The following RNF14 variants were observed in gnomAD, a reference collection of about 807,000 sequenced individuals.
RNF14 encodes the protein ring finger protein 14, also known as E3 ubiquitin-protein ligase RNF14.
A neutral mutation model predicts 52.6 loss-of-function variants in RNF14; 26 were observed. The observed-to-expected ratio is 0.49, with a 90% CI of 0.36 to 0.69. The LOEUF is 0.69. Ranked by LOEUF, RNF14 falls within the 30% of genes least tolerant of loss-of-function variation. The pLI is 0.00. For synonymous variants in RNF14, 194 were observed against 202.0 expected, an observed-to-expected ratio of 0.96 and a Z score of 0.34; for missense variants, 404 against 560.4, an observed-to-expected ratio of 0.72 and a Z score of 2.82.
chr5:141,973,962 T>G (rs1356798143), intron 3 of RNF14, among the ~76,000 whole-genome samples: 1 of 152,226 alleles, frequency 6.6e-6, no homozygotes, highest in Non-Finnish European at 1.5e-5. Flanking sequence ...TCCTGCATAT[T>G]TCATACATCC....
At position 141,978,528 on chromosome 5, in the gene RNF14, G is replaced by C; in HGVS notation, c.532G>C (p.Asp178His). Residue 178 changes from aspartate to histidine, a missense_variant, in exon 5 of 9, where the codon GAC (aspartate) becomes CAC (histidine). Transcript: ENST00000394520. ...DFGGAAGSDVDQEEIVDERAV... is the reference protein window; with the variant it reads ...DFGGAAGSDVHQEEIVDERAV... ...TGGAGGAGCTGCTGGATCTGATGTA[G>C]ACCAAGAGGAAATTGTGGATGAGAG... The C allele has an allele frequency of 1.2e-6, 2 of 1,614,168 alleles. No individual in the cohort carries two copies. The highest frequency in any genetic ancestry group is 2.2e-5 in the South Asian group (2 of 91,062).
rs1466805679 is a variant in RNF14, at chr5:141,969,161, G to T, written c.-187G>T. The T allele has an allele frequency of 1.3e-5, 2 of 153,150 alleles. No individual in the cohort carries two copies. The allele number at this position is 153,150 out of a possible 1,614,324, so 9.5% of individuals were successfully genotyped here. On this transcript the variant is annotated 5_prime_UTR_variant, in exon 1 of 9. Transcript: ENST00000394520. ...AGGGCGTCTCTAGGCCTGGTCGGCTGGCGGCGGTGAGTGGGCCCCAGGCAA... is the reference window on the plus strand; with the variant it reads ...AGGGCGTCTCTAGGCCTGGTCGGCTTGCGGCGGTGAGTGGGCCCCAGGCAA...
chr5:141,967,031 T>G (rs1753366465), upstream of RNF14: 1 of 152,386 alleles, frequency 6.6e-6, no homozygotes, highest in African/African-American at 2.4e-5. Context: ...TTTCTGGTTT[T>G]GGTATCTATT....
chr5:141,957,417 A>G, upstream of RNF14: 1 of 1,613,070 alleles, frequency 6.2e-7, no homozygotes, highest in East Asian at 2.2e-5. The surrounding 1 kb of genome is among the most constrained non-coding windows in gnomAD (Gnocchi z 4.3). Context: ...AGGCGCTCTC[A>G]GAGATTTCCA....
intron 4 of RNF14, among the ~76,000 whole-genome samples, chr5:141,976,686 A>G (rs1459321269): frequency 1.3e-5 from 2 of 149,654 alleles, no homozygotes; most frequent in African/African-American, 4.9e-5. Flanking sequence ...GTTTTCTAAA[A>G]CCTTATTCCT....
intron 8 of RNF14, 93 bp from the exon 9 acceptor site, chr5:141,987,640 G>T: frequency 8.2e-7 from 1 of 1,214,846 alleles, no homozygotes; most frequent in Non-Finnish European, 1.2e-6. Flanking sequence ...GTACAAAGAT[G>T]TTATAAGAGT....
At chr5:141,957,208 G>A, upstream of RNF14, 1 of 1,614,192 alleles carries the variant, frequency 6.2e-7, no homozygotes, top group Middle Eastern at 1.6e-4. This position sits in a 1 kb window ranked among gnomAD's most constrained non-coding sequence, Gnocchi z 4.3. Context: ...GTCATAGGCA[G>A]TTAACACCAG....
rs1048469780 is a variant in RNF14, at chr5:141,989,667, TGAGCGACA to T, written c.*1884_*1891del. On this transcript the variant is annotated 3_prime_UTR_variant, in exon 9 of 9. Transcript: ENST00000394520. ...GAGATAGCGCCACTGCACTCCAGCC[TGAGCGACA>T]GAGCGAGACTCCTTCTCAAAAAAAA... The T allele has an allele frequency of 4.2e-5, 6 of 143,394 alleles. No individual in the cohort carries two copies. Among genetic ancestry groups the T allele is most frequent in the African/African-American group, 1.3e-4 (5 of 37,976 alleles). The allele number at this position is 143,394 out of a possible 1,614,324, so 8.9% of individuals were successfully genotyped here. A position where few individuals can be genotyped will look rare whatever the true frequency, so the allele number is the denominator to read the frequency against.
rs1281244245 is a variant in RNF14, at chr5:141,983,633, T to A, written c.1236+81T>A. The A allele has an allele frequency of 8.1e-6, 10 of 1,233,470 alleles. No individual in the cohort carries two copies. In the Admixed American group the frequency reaches 1.7e-4, roughly 22 times the overall value. 76.4% of individuals were successfully genotyped at this position (1,233,470 alleles called of 1,614,324 possible). On this transcript the variant is annotated intron_variant, in intron 7 of 8. Transcript: ENST00000394520. ...ACCTTAAGAAGCCTTACTAGTCAATTTTATGACTTACAAAACACATGCTGG... is the reference window on the plus strand; with the variant it reads ...ACCTTAAGAAGCCTTACTAGTCAATATTATGACTTACAAAACACATGCTGG...
chr5:141,964,560 G>C (rs1753301868), upstream of RNF14, among the ~76,000 whole-genome samples: 1 of 152,132 alleles, frequency 6.6e-6, no homozygotes, highest in Non-Finnish European at 1.5e-5. Context: ...ATTTATAATT[G>C]TGCTTCTAGT....
At chr5:141,958,058 A>C (rs764952765), upstream of RNF14, 25 of 604,304 alleles carry the variant, frequency 4.1e-5, no homozygotes, top group Middle Eastern at 4.5e-4. Flanking sequence ...TGAGATGTCC[A>C]AACGCCGATC....
At chr5:141,955,610 T>C, upstream of RNF14, 1 of 1,614,148 alleles carries the variant, frequency 6.2e-7, no homozygotes. This position sits in a 1 kb window ranked among gnomAD's most constrained non-coding sequence, Gnocchi z 5.5. Flanking sequence ...TTGTAGGCCC[T>C]GTTGTCCTTC....
intron 5 of RNF14, 43 bp downstream of exon 5, chr5:141,978,873 C>A (rs1754500466): frequency 6.3e-7 from 1 of 1,586,380 alleles, no homozygotes; most frequent in South Asian, 1.1e-5. Flanking sequence ...AATTCTCTTC[C>A]ATAAATGGAG....
chr5:141,983,439 T>A lies in RNF14; in HGVS notation c.1123T>A (p.Leu375Met). 2 of 1,613,866 alleles carry A rather than the reference T, an allele frequency of 1.2e-6. No homozygotes were observed. The highest frequency in any genetic ancestry group is 1.7e-6 in the Non-Finnish European group (2 of 1,179,908). The change falls in exon 7 of 9, where the codon TTG becomes ATG. Residue 375 changes from leucine to methionine, a missense_variant. By Grantham distance (15) the Leu-to-Met change is conservative. Coordinates refer to ENST00000394520, the MANE Select transcript of RNF14 (RefSeq NM_004290.5). ...AGCGGATGAGGCTAATAAAAGACTT[T>A]TGGATCAAAGGTATGGTAAGAGAGT... ...LQADEANKRLLDQRYGKRVIQ... is the reference protein window; with the variant it reads ...LQADEANKRLMDQRYGKRVIQ...
chr5:141,956,062 C>A (rs750468776), upstream of RNF14: 4 of 1,614,130 alleles, frequency 2.5e-6, no homozygotes, highest in South Asian at 3.3e-5. Flanking sequence ...TGGGCCCAAG[C>A]CATTGGGAGT....
At chr5:141,951,756 C>G in the RNF14 span, among the ~76,000 whole-genome samples, 2 of 152,230 alleles carry the variant, frequency 1.3e-5, no homozygotes, top group Non-Finnish European at 2.9e-5. Flanking sequence ...AGACAGGGAC[C>G]TGGGCGGGCA....
upstream of RNF14, chr5:141,955,673 C>A: frequency 6.2e-7 from 1 of 1,614,108 alleles, no homozygotes; most frequent in Non-Finnish European, 8.5e-7. The surrounding 1 kb of genome is among the most constrained non-coding windows in gnomAD (Gnocchi z 5.5). Flanking sequence ...CCGAAGATGC[C>A]CAACAGTACA....
chr5:141,950,044 C>G, the RNF14 span, among the ~76,000 whole-genome samples: 1 of 152,238 alleles, frequency 6.6e-6, no homozygotes, highest in Non-Finnish European at 1.5e-5. Context: ...TGCCTGCTCC[C>G]TTACTGATGC....
chr5:141,984,733 C>T (rs1755086213), intron 7 of RNF14, 70 bp from the exon 8 acceptor site: 5 of 1,449,492 alleles, frequency 3.4e-6, no homozygotes, highest in Non-Finnish European at 4.8e-6. Flanking sequence ...TGTACTGAAT[C>T]ATTTTGGCAT....
Sources: allele counts gnomAD v4.1 joint callset (sites outside exome capture counted in the v4.1 genomes callset), GRCh38; gene constraint gnomAD v4.1.1; non-coding constraint Gnocchi (gnomAD v3.1); transcripts MANE v1.5; gene names NCBI Gene and HGNC (gene_info 2026-07-23, HGNC 2026-07-21).